The following HPCAL1 variants were observed in gnomAD, a reference collection of about 807,000 sequenced individuals.
HPCAL1 encodes hippocalcin-like protein 1.
A neutral mutation model predicts 17.1 loss-of-function variants in HPCAL1; 8 were observed. The observed-to-expected ratio is 0.47, with a 90% CI of 0.27 to 0.84. The LOEUF is 0.84. HPCAL1 is among the 40% of genes least tolerant of loss of function. HPCAL1 has a pLI of 0.13. For synonymous variants in HPCAL1, 112 were observed against 111.4 expected, an observed-to-expected ratio of 1.01 and a Z score of -0.03; for missense variants, 165 against 271.1, an observed-to-expected ratio of 0.61 and a Z score of 2.75.
At chr2:10,336,855 C>A (rs192572225) in intron 1 of HPCAL1, among the ~76,000 whole-genome samples, 2 of 152,212 alleles carry the variant, frequency 1.3e-5, no homozygotes, top group African/African-American at 4.8e-5. Context: ...AGTGGTCCTC[C>A]TGCCTCAGCT....
Position 10,330,566 on chromosome 2 carries a change from G to A in HPCAL1, c.-111+27389G>A, listed in dbSNP as rs562437676. 2.0e-4 allele frequency among the ~76,000 whole-genome samples: 30 copies of A among 152,234 alleles called. No individual in the cohort carries two copies. In the South Asian group the frequency reaches 5.6e-3, roughly 28 times the overall value. ...CCGAGGCCTCTCTCCTCGGCTCCGT[G>A]TAGCCCTTTCTCCCTCTGTTCTCAC... On this transcript the variant is annotated intron_variant, in intron 1 of 4. Coordinates refer to ENST00000307845, the MANE Select transcript of HPCAL1 (RefSeq NM_002149.4). The surrounding 1 kb of genome is among the most constrained non-coding windows in gnomAD (Gnocchi z 4.2).
chr2:10,376,521 C>T (rs1387049544), intron 1 of HPCAL1, among the ~76,000 whole-genome samples: 7 of 151,910 alleles, frequency 4.6e-5, no homozygotes, highest in African/African-American at 9.7e-5. Context: ...CTGCAACTTC[C>T]ACTTCCTGGG....
intron 1 of HPCAL1, among the ~76,000 whole-genome samples, chr2:10,312,388 GTCA>G (rs142687098): frequency 0.62 from 90,570 of 146,816 alleles, 27,830 homozygotes; most frequent in East Asian, 0.82. Flanking sequence ...CGTCATTGCT[GTCA>G]TCATCACCAT....
chr2:10,330,663 G>A lies in HPCAL1; in HGVS notation c.-111+27486G>A, dbSNP rs918838743. 5.3e-5 allele frequency among the ~76,000 whole-genome samples: 8 copies of A among 152,132 alleles called. No individual in the cohort carries two copies. The highest frequency in any genetic ancestry group is 7.4e-5 in the Non-Finnish European group (5 of 68,020). On this transcript the variant is annotated intron_variant, in intron 1 of 4. Transcript: ENST00000307845. The surrounding 1 kb of genome is among the most constrained non-coding windows in gnomAD (Gnocchi z 4.2). Reference sequence around the variant, plus strand: ...ACACCAGCCCTAGATCAGGAGCCACGCAGTGACCTCATTTTACCTTCATGA... The same window carrying A: ...ACACCAGCCCTAGATCAGGAGCCACACAGTGACCTCATTTTACCTTCATGA...
chr2:10,357,446 G>A (rs1666226420), intron 1 of HPCAL1, among the ~76,000 whole-genome samples: 1 of 152,238 alleles, frequency 6.6e-6, no homozygotes, highest in Non-Finnish European at 1.5e-5. Flanking sequence ...TGTGGCAGGG[G>A]CCCGGGAACC....
intron 1 of HPCAL1, among the ~76,000 whole-genome samples, chr2:10,338,437 T>A (rs1664855008): frequency 6.6e-6 from 1 of 152,198 alleles, no homozygotes; most frequent in Admixed American, 6.5e-5. Context: ...CATAACCTCG[T>A]TGAGTCTCAG....
chr2:10,415,921 A>G (rs903203472), intron 2 of HPCAL1, among the ~76,000 whole-genome samples: 2 of 152,308 alleles, frequency 1.3e-5, no homozygotes, highest in Non-Finnish European at 2.9e-5. Flanking sequence ...TTGCTGACTC[A>G]GTGGCCCCAC....
intron 1 of HPCAL1, among the ~76,000 whole-genome samples, chr2:10,337,576 T>C (rs1369729747): frequency 1.3e-5 from 2 of 152,122 alleles, no homozygotes; most frequent in African/African-American, 2.4e-5. Context: ...GGGTTGCAGG[T>C]GCTTCTCCAC....
intron 1 of HPCAL1, among the ~76,000 whole-genome samples, chr2:10,371,612 A>G (rs1359258167): frequency 2.0e-5 from 3 of 152,150 alleles, no homozygotes; most frequent in Non-Finnish European, 4.4e-5. Flanking sequence ...ACGCCAGTCA[A>G]CACTGTTGCC....
intron 1 of HPCAL1, among the ~76,000 whole-genome samples, chr2:10,307,378 G>C (rs1168877287): frequency 6.6e-6 from 1 of 152,186 alleles, no homozygotes; most frequent in Non-Finnish European, 1.5e-5. Flanking sequence ...ATGATATTAA[G>C]TGCATGTCTA....
At chr2:10,320,505 G>A (rs1236515735) in intron 1 of HPCAL1, among the ~76,000 whole-genome samples, 1 of 152,178 alleles carries the variant, frequency 6.6e-6, no homozygotes, top group Non-Finnish European at 1.5e-5. Context: ...GTTTCCCGAG[G>A]CCTCCCCAGC....
At chr2:10,398,723 T>G (rs1316928380) in intron 2 of HPCAL1, among the ~76,000 whole-genome samples, 1 of 152,156 alleles carries the variant, frequency 6.6e-6, no homozygotes. Flanking sequence ...GGGGTGGGTT[T>G]TCCTGCCTTC....
At chr2:10,347,457 C>G (rs1665543429) in intron 1 of HPCAL1, among the ~76,000 whole-genome samples, 1 of 152,174 alleles carries the variant, frequency 6.6e-6, no homozygotes, top group Non-Finnish European at 1.5e-5. Context: ...AGATGTGGAC[C>G]ACGGTGGGGC....
chr2:10,409,813 A>T (rs1353563865), intron 2 of HPCAL1, among the ~76,000 whole-genome samples: 1 of 112,588 alleles, frequency 8.9e-6, no homozygotes, highest in Non-Finnish European at 1.7e-5. Context: ...TTTTTGAGAC[A>T]GAGTCTCGCT....
intron 4 of HPCAL1, chr2:10,424,561 C>G: frequency 2.1e-6 from 1 of 471,094 alleles, no homozygotes; most frequent in Non-Finnish European, 4.4e-6. Flanking sequence ...ACTCGCTGCC[C>G]GAATCTGCCT....
intron 1 of HPCAL1, among the ~76,000 whole-genome samples, chr2:10,380,751 AGGCCC>A (rs1667892009): frequency 6.6e-6 from 1 of 151,976 alleles, no homozygotes; most frequent in African/African-American, 2.4e-5. Flanking sequence ...GTGGGGCTGG[AGGCCC>A]TTCTGCGGAC....
At chr2:10,358,015 C>T (rs989503293) in intron 1 of HPCAL1, among the ~76,000 whole-genome samples, 1 of 152,230 alleles carries the variant, frequency 6.6e-6, no homozygotes, top group East Asian at 1.9e-4. Context: ...TGAAGGGTTC[C>T]TTTCCCGTGT....
chr2:10,377,680 ACT>A lies in HPCAL1; in HGVS notation c.-110-19152_-110-19151del, dbSNP rs1302190406. ...CCTGAGCAGCCCTGGCTGAGCATGC[ACT>A]CTGAGGGCAGACCCTGGCCGGGCAC... On this transcript the variant is annotated intron_variant, in intron 1 of 4. Coordinates refer to ENST00000307845, the MANE Select transcript of HPCAL1 (RefSeq NM_002149.4). This position sits in a 1 kb window ranked among gnomAD's most constrained non-coding sequence, Gnocchi z 5.9. Among the ~76,000 whole-genome samples, 1 of 151,570 alleles carries A rather than the reference ACT, an allele frequency of 6.6e-6. No homozygotes were observed. The highest frequency in any genetic ancestry group is 2.4e-5 in the African/African-American group (1 of 41,142).
chr2:10,400,949 T>C (rs954013753), intron 2 of HPCAL1, among the ~76,000 whole-genome samples: 6 of 152,256 alleles, frequency 3.9e-5, no homozygotes, highest in Admixed American at 2.0e-4. Flanking sequence ...TGTCGGGCTC[T>C]GTGTGAAGGG....
Sources: allele counts gnomAD v4.1 joint callset (sites outside exome capture counted in the v4.1 genomes callset), GRCh38; gene constraint gnomAD v4.1.1; non-coding constraint Gnocchi (gnomAD v3.1); transcripts MANE v1.5; gene names NCBI Gene and HGNC (gene_info 2026-07-23, HGNC 2026-07-21).